FAAH2: variants seen among roughly 807,000 people sequenced by gnomAD.
The protein encoded by FAAH2 is fatty acid amide hydrolase 2.
A neutral mutation model predicts 36.9 loss-of-function variants in FAAH2; 60 were observed. The observed-to-expected ratio is 1.63, with a 90% CI of 1.32 to 2.02. FAAH2 has a LOEUF of 2.02. Ranked by LOEUF, FAAH2 falls within the 30% of genes most tolerant of loss-of-function variation. The pLI is 0.00. For missense variants in FAAH2, 689 were observed against 397.5 expected, an observed-to-expected ratio of 1.73 and a Z score of -6.23; for synonymous variants, 214 against 143.8, an observed-to-expected ratio of 1.49 and a Z score of -3.49.
chrX:57,480,144 C>T (rs1471770959), intron 10 of FAAH2, among the ~76,000 whole-genome samples: 1 of 111,004 alleles, frequency 9.0e-6, no homozygotes, highest in Non-Finnish European at 1.9e-5. Flanking sequence ...AAAAAGAGTC[C>T]TGGACCAGAT....
At chrX:57,381,927 A>G (rs1324464427) in intron 7 of FAAH2, among the ~76,000 whole-genome samples, 1 of 111,641 alleles carries the variant, frequency 9.0e-6, no homozygotes, top group Non-Finnish European at 1.9e-5. Context: ...AGTTGGATGT[A>G]AAGCACTCCT....
At chrX:57,231,867 G>A in the FAAH2 span, among the ~76,000 whole-genome samples, 1 of 111,546 alleles carries the variant, frequency 9.0e-6, no homozygotes, top group African/African-American at 3.3e-5. Context: ...AGAGGTTGTA[G>A]GTTAAAACAA....
rs148124409 is a variant in FAAH2 at position 57,312,008 on chromosome X, G to A, written c.412+1279G>A. On this transcript the variant is annotated intron_variant, in intron 3 of 10. Coordinates refer to ENST00000374900, the MANE Select transcript of FAAH2 (RefSeq NM_174912.4). ...TTCTGGGCAAGGTGAGATGGGGCAT[G>A]CCTCCCTCCACAGGGTGGGTCCATA... 8.2e-3 allele frequency among the ~76,000 whole-genome samples: 924 copies of A among 112,254 alleles called. 8 individuals are homozygous for A. The highest frequency in any genetic ancestry group is 0.028 in the African/African-American group (878 of 30,911).
chrX:57,253,784 G>A, the FAAH2 span, among the ~76,000 whole-genome samples: 3 of 110,915 alleles, frequency 2.7e-5, no homozygotes, highest in African/African-American at 9.9e-5. Context: ...AACATGGAAA[G>A]GAAAGGAGCA....
chrX:57,464,011 C>T (rs1215222538), intron 10 of FAAH2, among the ~76,000 whole-genome samples: 1 of 111,991 alleles, frequency 8.9e-6, no homozygotes, highest in Non-Finnish European at 1.9e-5. Flanking sequence ...CCCAAATGCC[C>T]ATCAATGATA....
chrX:57,264,430 A>G, the FAAH2 span, among the ~76,000 whole-genome samples: 4 of 112,927 alleles, frequency 3.5e-5, no homozygotes, highest in Non-Finnish European at 7.5e-5. Flanking sequence ...CATATTAAAA[A>G]AAGCTCAATA....
the FAAH2 span, among the ~76,000 whole-genome samples, chrX:57,256,594 A>G: frequency 8.9e-6 from 1 of 111,982 alleles, no homozygotes; most frequent in Non-Finnish European, 1.9e-5. Flanking sequence ...TAAAAATTCT[A>G]GAAGAAAACC....
chrX:57,293,680 G>T (rs896740770), intron 2 of FAAH2, among the ~76,000 whole-genome samples: 22 of 111,751 alleles, frequency 2.0e-4, no homozygotes, highest in African/African-American at 7.2e-4. Flanking sequence ...TAAATTTTCT[G>T]TTGCCTTTTA....
chrX:57,216,638 G>GTATATATATATACGTA, the FAAH2 span, among the ~76,000 whole-genome samples: 1 of 76,527 alleles, frequency 1.3e-5, no homozygotes, highest in African/African-American at 4.2e-5. Flanking sequence ...ATATATATAC[G>GTATATATATATACGTA]TATATATATA....
chrX:57,127,762 C>G, the FAAH2 span, among the ~76,000 whole-genome samples: 1 of 110,988 alleles, frequency 9.0e-6, no homozygotes. Flanking sequence ...AGTGTTCTCA[C>G]GTTCCACCTT....
At chrX:57,374,289 A>G (rs1300451672) in intron 5 of FAAH2, among the ~76,000 whole-genome samples, 2 of 111,736 alleles carry the variant, frequency 1.8e-5, no homozygotes, top group African/African-American at 3.3e-5. Context: ...TTGTATTTGT[A>G]GGTTGCTTTT....
the FAAH2 span, among the ~76,000 whole-genome samples, chrX:57,177,449 T>TATAATA: frequency 2.9e-5 from 3 of 103,057 alleles, no homozygotes; most frequent in Non-Finnish European, 5.9e-5. Flanking sequence ...ACACTTAAAG[T>TATAATA]ATAATAATAA....
At chrX:57,313,756 G>A (rs922803251) in intron 3 of FAAH2, among the ~76,000 whole-genome samples, 2 of 111,258 alleles carry the variant, frequency 1.8e-5, no homozygotes, top group African/African-American at 6.5e-5. Flanking sequence ...CCTTAAGGAA[G>A]TGCTAAACAT....
the FAAH2 span, among the ~76,000 whole-genome samples, chrX:57,186,695 G>A: frequency 9.0e-6 from 1 of 111,726 alleles, no homozygotes; most frequent in Non-Finnish European, 1.9e-5. Context: ...GAAGGTTTTA[G>A]GTTTCACATT....
intron 5 of FAAH2, among the ~76,000 whole-genome samples, chrX:57,372,900 A>G (rs2054587354): frequency 9.1e-6 from 1 of 109,884 alleles, no homozygotes; most frequent in Non-Finnish European, 1.9e-5. Context: ...TCGAGTCCCG[A>G]GAGTCCATTA....
At chrX:57,228,480 G>A in the FAAH2 span, among the ~76,000 whole-genome samples, 2 of 111,096 alleles carry the variant, frequency 1.8e-5, no homozygotes, top group Admixed American at 9.5e-5. Context: ...CATGGTTGGG[G>A]CACTCACAGT....
intron 7 of FAAH2, among the ~76,000 whole-genome samples, chrX:57,417,787 G>A (rs1381872126): frequency 8.9e-6 from 1 of 112,154 alleles, no homozygotes; most frequent in African/African-American, 3.2e-5. Context: ...TCTCTTCAGA[G>A]TCAGCAGGCA....
intron 5 of FAAH2, among the ~76,000 whole-genome samples, chrX:57,366,176 T>A (rs765498211): frequency 8.9e-6 from 1 of 112,024 alleles, no homozygotes; most frequent in South Asian, 3.7e-4. Context: ...TGTGGGCTGA[T>A]GTTCCTTTAG....
chrX:57,378,864 T>C (rs2054759679), intron 6 of FAAH2, 78 bp downstream of exon 6: 5 of 1,097,838 alleles, frequency 4.6e-6, no homozygotes, highest in Non-Finnish European at 2.4e-6. Flanking sequence ...GTCATAGAGG[T>C]AGACTTTCAG....
Sources: gnomAD v4.1 joint callset for allele counts (sites outside exome capture counted in the v4.1 genomes callset) on GRCh38, gnomAD v4.1.1 for gene constraint, MANE v1.5 for transcripts, NCBI Gene and HGNC (gene_info 2026-07-23, HGNC 2026-07-21) for gene names.